TNFRSF9: variants seen among roughly 807,000 people sequenced by gnomAD.
TNFRSF9 encodes the protein TNF receptor superfamily member 9.
TNFRSF9 carries 16 observed loss-of-function variants against 28.8 expected under a neutral mutation model. The observed-to-expected ratio is 0.55, with a 90% CI of 0.38 to 0.84. The LOEUF is 0.84. TNFRSF9 is among the 40% of genes least tolerant of loss of function. The pLI, the probability that TNFRSF9 is intolerant of heterozygous loss-of-function variation, is 0.00. For synonymous variants in TNFRSF9, 131 were observed against 117.0 expected, an observed-to-expected ratio of 1.12 and a Z score of -0.77; for missense variants, 303 against 315.0, an observed-to-expected ratio of 0.96 and a Z score of 0.29.
chr1:7,933,068 C>T lies in TNFRSF9; in HGVS notation c.679+94G>A, dbSNP rs1280479644. On this transcript the variant is annotated intron_variant, in intron 7 of 7. Coordinates refer to ENST00000377507, the MANE Select transcript of TNFRSF9 (RefSeq NM_001561.6). ...GTGATAGCCACGGGGCTATATGAACCTCATTTCTAGAATTTTTTTTAAAAT... is the reference window on the plus strand; with the variant it reads ...GTGATAGCCACGGGGCTATATGAACTTCATTTCTAGAATTTTTTTTAAAAT... The T allele has an allele frequency of 8.2e-6, 12 of 1,467,052 alleles. No individual in the cohort carries two copies. The Admixed American group carries it at 2.5e-4, about 31-fold the overall frequency. 90.9% of individuals were successfully genotyped at this position (1,467,052 alleles called of 1,614,324 possible).
At chr1:7,937,452 C>T (rs780539859) in intron 5 of TNFRSF9, among the ~76,000 whole-genome samples, 21 of 152,080 alleles carry the variant, frequency 1.4e-4, no homozygotes, top group South Asian at 2.1e-4. Context: ...AACCACTGCA[C>T]GTGCCCAGCC....
At chr1:7,923,373 G>C (rs1639591194) in intron 7 of TNFRSF9, among the ~76,000 whole-genome samples, 1 of 152,176 alleles carries the variant, frequency 6.6e-6, no homozygotes, top group Non-Finnish European at 1.5e-5. Flanking sequence ...AGGAGGCCTA[G>C]TGGGAGCTAG....
intron 1 of TNFRSF9, among the ~76,000 whole-genome samples, chr1:7,940,421 T>A (rs1271348601): frequency 6.6e-6 from 1 of 152,196 alleles, no homozygotes; most frequent in Non-Finnish European, 1.5e-5. Context: ...GCCCCTGAAA[T>A]AAACTCCTTA....
Position 7,933,232 on chromosome 1 carries a change from C to T in TNFRSF9, c.609G>A (p.Leu203=), listed in dbSNP as rs1397444895. 8.7e-6 allele frequency: 14 copies of T among 1,613,844 alleles called. No individual in the cohort carries two copies. The highest frequency in any genetic ancestry group is 2.2e-5 in the South Asian group (2 of 91,086). The change falls in exon 7 of 8, where the codon CTG becomes CTA. Residue 203 remains leucine, a synonymous_variant. Transcript: ENST00000377507. ...ALTSTALLFL[L]FFLTLRFSVV... ...CAGAGAAACGGAGCGTGAGGAAGAA[C>T]AGCAGGAAGAGCAACGCAGTCGACG...
At chr1:7,926,944 A>G (rs2151414013) in intron 7 of TNFRSF9, among the ~76,000 whole-genome samples, 1 of 152,240 alleles carries the variant, frequency 6.6e-6, no homozygotes, top group South Asian at 2.1e-4. Flanking sequence ...CGAATCAAGC[A>G]TGGGCACAGT....
Position 7,938,179 on chromosome 1 carries a change from A to C in TNFRSF9, c.346+14T>G, listed in dbSNP as rs765870948. 6.4e-7 allele frequency: 1 copy of C among 1,566,932 alleles called. No individual in the cohort carries two copies. The highest frequency in any genetic ancestry group is 8.7e-7 in the Non-Finnish European group (1 of 1,155,726). On this transcript the variant is annotated intron_variant, in intron 4 of 7. Coordinates refer to ENST00000377507, the MANE Select transcript of TNFRSF9 (RefSeq NM_001561.6). The stretch of plus-strand genomic sequence containing the variant: ...GTCACAAAACTACACTAGATCAAAG[A>C]AACGCAAACGTACCTTTTTTTGTCA...
chr1:7,937,923 C>A (rs890291535), intron 4 of TNFRSF9, among the ~76,000 whole-genome samples, 167 bp from the exon 5 acceptor site: 3 of 152,084 alleles, frequency 2.0e-5, no homozygotes, highest in African/African-American at 7.2e-5. Context: ...TTTAATTGTA[C>A]ATAAAGTATT....
chr1:7,935,208 C>T (rs1215357203), intron 5 of TNFRSF9, 65 bp from the exon 6 acceptor site: 1 of 1,559,038 alleles, frequency 6.4e-7, no homozygotes, highest in African/African-American at 1.4e-5. Flanking sequence ...TGGTTTAAAA[C>T]TTTGTCATTT....
chr1:7,937,885 A>C, intron 4 of TNFRSF9, 129 bp from the exon 5 acceptor site: 1 of 801,264 alleles, frequency 1.2e-6, no homozygotes, highest in Non-Finnish European at 2.0e-6. Flanking sequence ...AATTCTTGAA[A>C]CAACACCCTA....
chr1:7,930,308 T>C (rs903666273), intron 7 of TNFRSF9, among the ~76,000 whole-genome samples: 2 of 152,118 alleles, frequency 1.3e-5, no homozygotes, highest in African/African-American at 2.4e-5. Flanking sequence ...ACCCGGGTCG[T>C]GATGGCGAGC....
At chr1:7,927,741 A>C (rs1301787047) in intron 7 of TNFRSF9, among the ~76,000 whole-genome samples, 1 of 151,880 alleles carries the variant, frequency 6.6e-6, no homozygotes, top group Non-Finnish European at 1.5e-5. Flanking sequence ...AAAAAAAAAA[A>C]CCCTAAATCT....
intron 6 of TNFRSF9, among the ~76,000 whole-genome samples, chr1:7,933,512 G>A (rs1639767718): frequency 6.6e-6 from 1 of 151,908 alleles, no homozygotes; most frequent in Non-Finnish European, 1.5e-5. Context: ...CGAGGCAGGA[G>A]GATCACTTAG....
At chr1:7,935,915 C>T (rs1285218376) in intron 5 of TNFRSF9, among the ~76,000 whole-genome samples, 1 of 152,194 alleles carries the variant, frequency 6.6e-6, no homozygotes, top group Non-Finnish European at 1.5e-5. Context: ...GTCAGTGACA[C>T]ACTCTTGCAC....
chr1:7,940,087 G>A lies in TNFRSF9; in HGVS notation c.-84-9C>T. ...GTCTCACAAATGTCACTCTGCAAAA[G>A]ATAAACATTTCCAAGGAAAGGTGGT... On this transcript the variant is annotated splice_polypyrimidine_tract_variant and intron_variant, in intron 1 of 7. Coordinates refer to ENST00000377507, the MANE Select transcript of TNFRSF9 (RefSeq NM_001561.6). 1.2e-6 allele frequency: 1 copy of A among 843,814 alleles called. No individual in the cohort carries two copies. Among genetic ancestry groups the A allele is most frequent in the Non-Finnish European group, 1.9e-6 (1 of 528,060 alleles). The allele number at this position is 843,814 out of a possible 1,614,324, so 52.3% of individuals were successfully genotyped here. A position where few individuals can be genotyped will look rare whatever the true frequency, so the allele number is the denominator to read the frequency against.
chr1:7,940,073 G>T lies in TNFRSF9; in HGVS notation c.-79C>A. The T allele has an allele frequency of 1.0e-6, 1 of 996,722 alleles. No individual in the cohort carries two copies. Among genetic ancestry groups the T allele is most frequent in the Non-Finnish European group, 1.5e-6 (1 of 649,600 alleles). 61.7% of individuals were successfully genotyped at this position (996,722 alleles called of 1,614,324 possible). A position where few individuals can be genotyped will look rare whatever the true frequency, so the allele number is the denominator to read the frequency against. On this transcript the variant is annotated 5_prime_UTR_variant, in exon 2 of 8. Transcript: ENST00000377507. The stretch of plus-strand genomic sequence containing the variant: ...AATCAAATTAGCTGGTCTCACAAAT[G>T]TCACTCTGCAAAAGATAAACATTTC...
chr1:7,926,049 C>T (rs1051236833), intron 7 of TNFRSF9, among the ~76,000 whole-genome samples: 6 of 152,122 alleles, frequency 3.9e-5, no homozygotes, highest in Admixed American at 6.6e-5. Context: ...TACAGGCATG[C>T]GCCACCACAC....
intron 2 of TNFRSF9, among the ~76,000 whole-genome samples, chr1:7,939,656 C>G (rs7530777): frequency 0.045 from 6,917 of 152,290 alleles, 558 homozygotes; most frequent in African/African-American, 0.16. Flanking sequence ...TTTGATCCTC[C>G]CAGCCATCCT....
rs1006174638 is a variant in TNFRSF9, at chr1:7,917,766, AG to A, written c.*3068del. On this transcript the variant is annotated 3_prime_UTR_variant, in exon 8 of 8. Transcript: ENST00000377507. ...ACACCATTAATTAGAGAAAAACAGG[AG>A]GGGCGCGGTGGCTCATGTCTGCAAT... is the stretch of plus-strand genomic sequence containing the variant. The A allele has an allele frequency of 6.6e-6, 1 of 151,842 alleles. No homozygotes were observed. Among genetic ancestry groups the A allele is most frequent in the Non-Finnish European group, 1.5e-5 (1 of 67,964 alleles). The allele number at this position is 151,842 out of a possible 1,614,324, so 9.4% of individuals were successfully genotyped here.
chr1:7,935,663 A>G (rs1639806069), intron 5 of TNFRSF9, among the ~76,000 whole-genome samples: 1 of 152,062 alleles, frequency 6.6e-6, no homozygotes, highest in African/African-American at 2.4e-5. Context: ...CCATCTCTAC[A>G]AAAATTAAAA....
Sources: gnomAD v4.1 joint callset for allele counts (sites outside exome capture counted in the v4.1 genomes callset) on GRCh38, gnomAD v4.1.1 for gene constraint, MANE v1.5 for transcripts, NCBI Gene and HGNC (gene_info 2026-07-23, HGNC 2026-07-21) for gene names.